The following AGBL1 variants were observed in gnomAD, a reference collection of about 807,000 sequenced individuals.
The protein encoded by AGBL1 is AGBL carboxypeptidase 1, also known as cytosolic carboxypeptidase 4.
AGBL1 carries 130 observed loss-of-function variants against 118.9 expected under a neutral mutation model. The ratio of observed to expected loss-of-function variants is 1.09; its 90% CI spans 0.95 to 1.26. The LOEUF is 1.26. Ranked by LOEUF, AGBL1 falls within the 50% of genes most tolerant of loss-of-function variation. The probability of loss-of-function intolerance (pLI) is 0.00; values close to 1 mark genes in which losing one functional copy is unlikely to be tolerated. For missense variants in AGBL1, 1,584 were observed against 1,298.1 expected, an observed-to-expected ratio of 1.22 and a Z score of -3.38; for synonymous variants, 555 against 478.9, an observed-to-expected ratio of 1.16 and a Z score of -2.08.
At chr15:86,746,455 T>C (rs1275747495) in intron 22 of AGBL1, among the ~76,000 whole-genome samples, 1 of 152,064 alleles carries the variant, frequency 6.6e-6, no homozygotes, top group African/African-American at 2.4e-5. Context: ...ATTTTTTTAT[T>C]TTGGGTTCAG....
chr15:86,714,834 C>A (rs1447123170), intron 22 of AGBL1, among the ~76,000 whole-genome samples: 2 of 152,146 alleles, frequency 1.3e-5, no homozygotes, highest in Admixed American at 1.3e-4. Context: ...AAGGGAGGGG[C>A]CCCTGCTCAG....
intron 18 of AGBL1, among the ~76,000 whole-genome samples, chr15:86,508,383 AC>A (rs1321481064): frequency 6.6e-6 from 1 of 152,134 alleles, no homozygotes; most frequent in Non-Finnish European, 1.5e-5. Flanking sequence ...AAAAATAATG[AC>A]AAAAAAGAAG....
At chr15:86,799,958 T>A (rs2078627367) in intron 22 of AGBL1, among the ~76,000 whole-genome samples, 1 of 152,130 alleles carries the variant, frequency 6.6e-6, no homozygotes, top group East Asian at 1.9e-4. Context: ...AGGTATAAAA[T>A]GCAGCTTAAT....
intron 22 of AGBL1, among the ~76,000 whole-genome samples, chr15:86,760,086 C>T (rs539588349): frequency 6.6e-6 from 1 of 152,200 alleles, no homozygotes; most frequent in East Asian, 1.9e-4. Flanking sequence ...TTTTATCCCA[C>T]TGATGATCAA....
intron 24 of AGBL1, among the ~76,000 whole-genome samples, chr15:87,008,816 C>T (rs2701411): frequency 0.54 from 81,448 of 152,018 alleles, 24,329 homozygotes; most frequent in South Asian, 0.72. Context: ...ATTGATGGCA[C>T]TTTGCCCCTG....
At chr15:86,623,699 G>A (rs1218878399) in intron 21 of AGBL1, among the ~76,000 whole-genome samples, 3 of 152,192 alleles carry the variant, frequency 2.0e-5, no homozygotes, top group African/African-American at 7.2e-5. Context: ...CAGCACAAAT[G>A]ACATGATAGT....
intron 23 of AGBL1, among the ~76,000 whole-genome samples, chr15:86,925,880 G>A (rs777484030): frequency 2.0e-5 from 3 of 151,492 alleles, no homozygotes; most frequent in Admixed American, 6.6e-5. Context: ...ACAGGCGCCC[G>A]CCACCATGCC....
chr15:86,942,348 C>T (rs1270161600), intron 23 of AGBL1, among the ~76,000 whole-genome samples: 3 of 152,194 alleles, frequency 2.0e-5, no homozygotes, highest in Admixed American at 2.0e-4. Context: ...CCTGGAAGGG[C>T]TCATTTGACA....
intron 22 of AGBL1, among the ~76,000 whole-genome samples, chr15:86,804,680 C>G (rs1442918035): frequency 6.6e-6 from 1 of 152,068 alleles, no homozygotes; most frequent in Non-Finnish European, 1.5e-5. Context: ...TTTTTTCTTG[C>G]ACAGAAATAG....
At position 86,445,169 on chromosome 15, in the gene AGBL1, G is replaced by T. The variant is rs372686660; in HGVS notation, c.2555+47623G>T. ...TCAAGAACAATCACACTGGCACTCA[G>T]CTTGACTTGAAGCCCATCACCCTGG... On this transcript the variant is annotated intron_variant, in intron 18 of 22. Coordinates refer to ENST00000614907, the MANE Select transcript of AGBL1 (RefSeq NM_001386094.1). Among the ~76,000 whole-genome samples, 12 of 152,308 alleles carry T rather than the reference G, an allele frequency of 7.9e-5. No homozygotes were observed. The East Asian group carries it at 1.2e-3, about 15-fold the overall frequency.
At chr15:86,388,319 G>A (rs771814533) in intron 17 of AGBL1, among the ~76,000 whole-genome samples, 1 of 152,134 alleles carries the variant, frequency 6.6e-6, no homozygotes, top group African/African-American at 2.4e-5. Context: ...AAGAGGAAAA[G>A]AGAGATGAAG....
chr15:86,131,580 T>C (rs1363566032), intron 1 of AGBL1, among the ~76,000 whole-genome samples: 2 of 152,126 alleles, frequency 1.3e-5, no homozygotes, highest in Admixed American at 1.3e-4. Flanking sequence ...ATATCTAAAT[T>C]TTAGGATGAG....
intron 21 of AGBL1, among the ~76,000 whole-genome samples, chr15:86,605,567 T>C (rs911064890): frequency 2.0e-5 from 3 of 152,182 alleles, no homozygotes; most frequent in Admixed American, 6.5e-5. Flanking sequence ...TCAAGCTCTT[T>C]TTACTTTCTA....
chr15:86,198,965 C>G (rs2141850009), intron 5 of AGBL1, among the ~76,000 whole-genome samples: 1 of 152,272 alleles, frequency 6.6e-6, no homozygotes, highest in East Asian at 1.9e-4. Flanking sequence ...AGATTCCTCT[C>G]TCTATGACAA....
intron 1 of AGBL1, among the ~76,000 whole-genome samples, chr15:86,131,667 G>T (rs371570012): frequency 6.6e-6 from 1 of 152,116 alleles, no homozygotes; most frequent in Non-Finnish European, 1.5e-5. Context: ...CATAATATTG[G>T]CCAGGTGCGG....
intron 5 of AGBL1, among the ~76,000 whole-genome samples, chr15:86,224,240 T>C (rs907394735): frequency 4.6e-5 from 7 of 152,186 alleles, no homozygotes; most frequent in African/African-American, 1.7e-4. Flanking sequence ...GATTTTTGTG[T>C]GACCTTCTCA....
At chr15:86,684,312 A>G (rs536736850) in intron 22 of AGBL1, among the ~76,000 whole-genome samples, 2 of 152,174 alleles carry the variant, frequency 1.3e-5, no homozygotes, top group East Asian at 1.9e-4. Context: ...ATCTTTGCCA[A>G]TTGCCAAGTT....
intron 1 of AGBL1, among the ~76,000 whole-genome samples, chr15:86,127,534 A>G (rs542516339): frequency 9.2e-5 from 14 of 152,340 alleles, no homozygotes; most frequent in African/African-American, 3.4e-4. Context: ...GGCATCCACC[A>G]AAAGCAGGCC....
At chr15:86,680,561 T>C (rs1448417835) in intron 22 of AGBL1, among the ~76,000 whole-genome samples, 2 of 119,468 alleles carry the variant, frequency 1.7e-5, no homozygotes, top group African/African-American at 3.2e-5. Context: ...TCTTTCTTTC[T>C]TTTCTTTTTT....
Sources: allele counts gnomAD v4.1 joint callset (sites outside exome capture counted in the v4.1 genomes callset), GRCh38; gene constraint gnomAD v4.1.1; transcripts MANE v1.5; gene names NCBI Gene and HGNC (gene_info 2026-07-23, HGNC 2026-07-21).